TCF24: variants seen among roughly 807,000 people sequenced by gnomAD.
TCF24 encodes the protein transcription factor 24.
In TCF24, 5 loss-of-function variants were observed where a neutral mutation model predicts 9.3. The observed-to-expected ratio is 0.54, with a 90% CI of 0.28 to 1.13. The LOEUF (loss-of-function observed/expected upper bound fraction) is 1.13. TCF24 is among the 50% of genes most tolerant of loss of function. The probability of loss-of-function intolerance (pLI) is 0.09; values close to 1 mark genes in which losing one functional copy is unlikely to be tolerated. For synonymous variants in TCF24, 110 were observed against 115.8 expected, an observed-to-expected ratio of 0.95 and a Z score of 0.32; for missense variants, 220 against 236.1, an observed-to-expected ratio of 0.93 and a Z score of 0.45.
chr8:66,956,854 C>A (rs77581209), intron 3 of TCF24, among the ~76,000 whole-genome samples: 1,658 of 152,010 alleles, frequency 0.011, 29 homozygotes, highest in African/African-American at 0.037. Context: ...AAAGACCAGG[C>A]CTTTGGGAGG....
In TCF24 at chr8:66,961,779, G is replaced by C; in HGVS notation, c.-14C>G. On this transcript the variant is annotated 5_prime_UTR_variant, in exon 3 of 4. Transcript: ENST00000563496. ...GCCGCGGTCCATGGCAGCTTCCCGCGCCGCGCGCGCTGCAAAGGACCGAAG... is the reference window on the plus strand; with the variant it reads ...GCCGCGGTCCATGGCAGCTTCCCGCCCCGCGCGCGCTGCAAAGGACCGAAG... 9.0e-7 allele frequency: 1 copy of C among 1,110,634 alleles called. No homozygotes were observed. Among genetic ancestry groups the C allele is most frequent in the East Asian group, 4.7e-5 (1 of 21,112 alleles). 68.8% of individuals were successfully genotyped at this position (1,110,634 alleles called of 1,614,324 possible). A position where few individuals can be genotyped will look rare whatever the true frequency, so the allele number is the denominator to read the frequency against.
intron 3 of TCF24, among the ~76,000 whole-genome samples, chr8:66,959,811 A>G (rs1814225169): frequency 6.6e-6 from 1 of 152,104 alleles, no homozygotes; most frequent in East Asian, 1.9e-4. Context: ...TTTAAAATAA[A>G]AACAATCAAT....
At chr8:66,961,027 T>C (rs548045833) in intron 3 of TCF24, among the ~76,000 whole-genome samples, 1 of 152,216 alleles carries the variant, frequency 6.6e-6, no homozygotes, top group Non-Finnish European at 1.5e-5. Context: ...CAGAGGGTCA[T>C]ACATATAACT....
At chr8:66,952,905 C>A (rs1156575927) in intron 3 of TCF24, among the ~76,000 whole-genome samples, 1 of 131,438 alleles carries the variant, frequency 7.6e-6, no homozygotes, top group African/African-American at 2.9e-5. Context: ...TTATCAGAGA[C>A]TAGGATTGCA....
chr8:66,957,667 A>G (rs1375183079), intron 3 of TCF24, among the ~76,000 whole-genome samples: 2 of 152,122 alleles, frequency 1.3e-5, no homozygotes, highest in Admixed American at 1.3e-4. Flanking sequence ...TGTAGCACAG[A>G]TATCAACTTT....
intron 3 of TCF24, 64 bp from the exon 4 acceptor site, chr8:66,948,228 T>G: frequency 4.3e-6 from 5 of 1,167,322 alleles, no homozygotes; most frequent in Non-Finnish European, 5.9e-6. Context: ...TAACATGGTC[T>G]ACAATGTTAA....
intron 3 of TCF24, among the ~76,000 whole-genome samples, chr8:66,958,720 T>C (rs933452724): frequency 2.0e-5 from 3 of 152,150 alleles, no homozygotes; most frequent in African/African-American, 4.8e-5. Flanking sequence ...AACCCTGTTA[T>C]CTATTTTTTT....
intron 3 of TCF24, among the ~76,000 whole-genome samples, chr8:66,954,338 T>G (rs1279167022): frequency 6.6e-6 from 1 of 151,812 alleles, no homozygotes; most frequent in East Asian, 1.9e-4. Context: ...TGCAGGTCTG[T>G]TGGAATACCC....
Position 66,961,599 on chromosome 8 carries a change from G to C in TCF24, c.167C>G (p.Ala56Gly). 1 of 1,310,882 alleles carries C rather than the reference G, an allele frequency of 7.6e-7. No homozygotes were observed. Among genetic ancestry groups the C allele is most frequent in the South Asian group, 2.4e-5 (1 of 42,232 alleles). 81.2% of individuals were successfully genotyped at this position (1,310,882 alleles called of 1,614,324 possible). ...GSGRPAAANA[A>G]RERSRVQTLR... ...GGTCTGCACCCGGCTGCGCTCCCGC[G>C]CCGCATTCGCCGCCGCCGGCCGCCC... Residue 56 changes from alanine (A) to glycine (G), a missense_variant, in exon 3 of 4, where the codon GCG (alanine) becomes GGG (glycine). By Grantham distance (60) the Ala-to-Gly change is moderately conservative (BLOSUM62 0). Coordinates refer to ENST00000563496, the MANE Select transcript of TCF24 (RefSeq NM_001193502.2).
At chr8:66,959,751 C>A (rs944223119) in intron 3 of TCF24, among the ~76,000 whole-genome samples, 7 of 152,132 alleles carry the variant, frequency 4.6e-5, no homozygotes, top group African/African-American at 1.2e-4. Flanking sequence ...ACATTAATTT[C>A]ATTTAAAAAA....
chr8:66,950,179 C>T (rs1396763830), intron 3 of TCF24, among the ~76,000 whole-genome samples: 3 of 149,236 alleles, frequency 2.0e-5, no homozygotes, highest in Non-Finnish European at 3.0e-5. Context: ...GAAGTCCTTG[C>T]CCATGCCTAT....
rs1813989515 is a variant in TCF24 at position 66,948,034 on chromosome 8, C to A, written c.*17G>T. 1.3e-6 allele frequency: 2 copies of A among 1,491,914 alleles called. No homozygotes were observed. The highest frequency in any genetic ancestry group is 1.3e-5 in the South Asian group (1 of 77,638). The allele number at this position is 1,491,914 out of a possible 1,614,324, so 92.4% of individuals were successfully genotyped here. ...AACAATAGCCACCACTTCTACCAGCCCCCACCAGGGGAGAGCCTAAGGCTG... is the reference window on the plus strand; with the variant it reads ...AACAATAGCCACCACTTCTACCAGCACCCACCAGGGGAGAGCCTAAGGCTG... On this transcript the variant is annotated 3_prime_UTR_variant, in exon 4 of 4. Transcript: ENST00000563496.
intron 3 of TCF24, among the ~76,000 whole-genome samples, chr8:66,958,449 G>A (rs1814198291): frequency 6.6e-6 from 1 of 152,156 alleles, no homozygotes; most frequent in African/African-American, 2.4e-5. Context: ...TGGATCATGA[G>A]GTCAGGAGAT....
At chr8:66,957,895 T>TAAAAAA (rs11299517) in intron 3 of TCF24, among the ~76,000 whole-genome samples, 1 of 43,034 alleles carries the variant, frequency 2.3e-5, no homozygotes, top group Non-Finnish European at 4.3e-5. Context: ...TAAGAATTGC[T>TAAAAAA]AAAAAAAAAA....
rs1468194486 is a variant in TCF24 at position 66,948,142 on chromosome 8, A to G, written c.413T>C (p.Leu138Ser). The G allele has an allele frequency of 1.3e-6, 2 of 1,532,270 alleles. No individual in the cohort carries two copies. Among genetic ancestry groups the G allele is most frequent in the East Asian group, 2.4e-5 (1 of 40,840 alleles). 94.9% of individuals were successfully genotyped at this position (1,532,270 alleles called of 1,614,324 possible). Residue 138 changes from leucine (L) to serine (S), a missense_variant, in exon 4 of 4, where the codon TTG (leucine) becomes TCG (serine). Transcript: ENST00000563496. ...AAACTGACCAGTAGCACCGATGTAC[A>G]ATCTTGATCGCATGGGCCATTTCTG... is the stretch of plus-strand genomic sequence containing the variant. ...PVKKWPMRSR[L>S]YIGATGQFLK... is the part of the protein sequence containing the mutation.
chr8:66,948,654 ACTAT>A (rs10524696), intron 3 of TCF24, among the ~76,000 whole-genome samples: 29,378 of 146,500 alleles, frequency 0.2, 2,971 homozygotes, highest in Middle Eastern at 0.28. Context: ...AAAAGTGTCA[ACTAT>A]CTATCTATCT....
rs1346703648 is a variant in TCF24 at position 66,953,292 on chromosome 8, TG to T, written c.391-5129del. The stretch of plus-strand genomic sequence containing the variant: ...AGGAGCTCTTTTAGGGCGGGCCTGG[TG>T]GTGACAAAATCTCTCAGCATTTGCT... On this transcript the variant is annotated intron_variant, in intron 3 of 3. Coordinates refer to ENST00000563496, the MANE Select transcript of TCF24 (RefSeq NM_001193502.2). 1.8e-3 allele frequency among the ~76,000 whole-genome samples: 273 copies of T among 151,254 alleles called. 1 individual carries two copies. The highest frequency in any genetic ancestry group is 6.3e-3 in the African/African-American group (262 of 41,394).
In TCF24 at chr8:66,961,715, G is replaced by A. The variant is rs937793044; in HGVS notation, c.51C>T (p.Pro17=). The A allele has an allele frequency of 1.6e-5, 18 of 1,099,190 alleles. No individual in the cohort carries two copies. The Admixed American group carries it at 4.7e-4, about 29-fold the overall frequency. The allele number at this position is 1,099,190 out of a possible 1,614,324, so 68.1% of individuals were successfully genotyped here. ...AGSPLSASAE[P]APLAAAIRDS... ...CGCGGATGGCGGCGGCCAGGGGCGC[G>A]GGCTCGGCGCTGGCGCTGAGGGGGC... Residue 17 remains proline, a synonymous_variant, in exon 3 of 4, where the codon CCC becomes CCT. Transcript: ENST00000563496.
intron 3 of TCF24, among the ~76,000 whole-genome samples, chr8:66,954,271 T>C (rs566730146): frequency 6.6e-6 from 1 of 151,768 alleles, no homozygotes; most frequent in East Asian, 1.9e-4. Context: ...GATGGGTTTT[T>C]GGTGTGGATG....
Sources: gnomAD v4.1 joint callset for allele counts (sites outside exome capture counted in the v4.1 genomes callset) on GRCh38, gnomAD v4.1.1 for gene constraint, MANE v1.5 for transcripts, NCBI Gene and HGNC (gene_info 2026-07-23, HGNC 2026-07-21) for gene names.